The following BABAM2 variants were observed in gnomAD, a reference collection of about 807,000 sequenced individuals.
The protein encoded by BABAM2 is BRISC and BRCA1 A complex member 2.
A neutral mutation model predicts 54.7 loss-of-function variants in BABAM2; 31 were observed. That is an observed-to-expected ratio of 0.57 (90% confidence interval 0.43 to 0.77). The LOEUF (loss-of-function observed/expected upper bound fraction) is 0.77, where lower values mean the gene tolerates loss of function less well. Among genes scored for constraint, BABAM2 ranks in the 30% least tolerant of loss-of-function variants. BABAM2 has a pLI of 0.00. For synonymous variants in BABAM2, 167 were observed against 162.9 expected (o/e 1.03, Z -0.19); for missense variants, 364 against 455.8 (o/e 0.80, Z 1.83).
intron 7 of BABAM2, among the ~76,000 whole-genome samples, chr2:28,159,580 T>A (rs1335581767): frequency 6.6e-6 from 1 of 152,096 alleles, no homozygotes; most frequent in African/African-American, 2.4e-5. Flanking sequence ...TATGGATGTT[T>A]CTAAAATCGC....
At chr2:28,041,607 C>G (rs537830196) in intron 5 of BABAM2, among the ~76,000 whole-genome samples, 1 of 152,290 alleles carries the variant, frequency 6.6e-6, no homozygotes, top group East Asian at 1.9e-4. Flanking sequence ...CTTATTTGCT[C>G]CTGTAACCCC....
rs1671807580 is a variant in BABAM2, at chr2:27,979,025, TTTTTTTC to T, written c.206-8961_206-8955del. 1.3e-3 allele frequency among the ~76,000 whole-genome samples: 11 copies of T among 8,628 alleles called. No homozygotes were observed. The South Asian group carries it at 0.086, about 68-fold the overall frequency. 5.7% of individuals were successfully genotyped at this position (8,628 alleles called of 152,430 possible). ...CATGGTGTATATGTACCACATTTTC[TTTTTTTC>T]TTTTTTTTTTTTTGAGATGGAGTCT... On this transcript the variant is annotated intron_variant, in intron 3 of 11. Coordinates refer to ENST00000379624, the MANE Select transcript of BABAM2 (RefSeq NM_199191.3).
chr2:28,125,659 ACCCAAGAAGC>A (rs1473544060), intron 6 of BABAM2, among the ~76,000 whole-genome samples: 1 of 152,170 alleles, frequency 6.6e-6, no homozygotes, highest in Non-Finnish European at 1.5e-5. Flanking sequence ...ATAACCTTTG[ACCCAAGAAGC>A]TCAGTTTTAA....
At chr2:28,107,898 T>C (rs1318281830) in intron 6 of BABAM2, among the ~76,000 whole-genome samples, 1 of 152,284 alleles carries the variant, frequency 6.6e-6, no homozygotes, top group Non-Finnish European at 1.5e-5. Context: ...CCCAAACTTA[T>C]ACTCAGTATA....
chr2:28,113,366 G>T (rs1277225710), intron 6 of BABAM2, among the ~76,000 whole-genome samples: 1 of 152,102 alleles, frequency 6.6e-6, no homozygotes, highest in Non-Finnish European at 1.5e-5. Flanking sequence ...TCAGTTTTCT[G>T]CATAAGGATA....
Position 28,288,301 on chromosome 2 carries a change from A to G in BABAM2, c.935-10037A>G, listed in dbSNP as rs192117567. ...AGGAGAGTAGTGGGAAACATTGGTA[A>G]TATAGGACAGGTTGTGGCTTTTCTT... On this transcript the variant is annotated intron_variant, in intron 10 of 11. Transcript: ENST00000379624. Among the ~76,000 whole-genome samples the G allele has an allele frequency of 5.4e-4, 82 of 151,120 alleles. 1 individual carries two copies. The highest frequency in any genetic ancestry group is 1.8e-3 in the African/African-American group (73 of 41,180).
chr2:28,287,705 G>C (rs1686940817), intron 10 of BABAM2, among the ~76,000 whole-genome samples: 2 of 152,154 alleles, frequency 1.3e-5, no homozygotes, highest in Admixed American at 6.5e-5. Flanking sequence ...GGAAGCAATA[G>C]CAGGTTGAAG....
At chr2:27,961,359 A>G (rs78922767) in intron 3 of BABAM2, among the ~76,000 whole-genome samples, 2,079 of 152,308 alleles carry the variant, frequency 0.014, 55 homozygotes, top group African/African-American at 0.047. Context: ...TTGAGTACCC[A>G]TGCAACCATT....
At chr2:28,327,390 G>A in intron 11 of BABAM2, 1 of 1,613,294 alleles carries the variant, frequency 6.2e-7, no homozygotes, top group South Asian at 1.1e-5. Context: ...AGCTCCAGAG[G>A]GCCTCCTTGG....
chr2:28,243,562 C>T (rs1682642852), intron 9 of BABAM2, among the ~76,000 whole-genome samples: 2 of 151,606 alleles, frequency 1.3e-5, no homozygotes, highest in Non-Finnish European at 2.9e-5. Flanking sequence ...AAAAAATTAG[C>T]CGGGCATAGT....
chr2:28,258,091 C>T (rs1016941011), intron 10 of BABAM2, among the ~76,000 whole-genome samples: 5 of 151,822 alleles, frequency 3.3e-5, no homozygotes, highest in African/African-American at 4.8e-5. Context: ...GCAGGAGAAA[C>T]GCTTGAACCC....
intron 2 of BABAM2, among the ~76,000 whole-genome samples, chr2:27,899,091 C>T (rs1665569211): frequency 6.6e-6 from 1 of 152,046 alleles, no homozygotes; most frequent in Admixed American, 6.6e-5. Context: ...TAGCTAGACC[C>T]CTTCTCTAAA....
intron 2 of BABAM2, among the ~76,000 whole-genome samples, chr2:27,926,372 A>C (rs534739501): frequency 2.0e-5 from 3 of 151,832 alleles, no homozygotes; most frequent in African/African-American, 7.2e-5. Context: ...ATATATCAAG[A>C]TTTCTTCCCC....
chr2:28,027,184 G>A (rs1391463082), intron 5 of BABAM2, among the ~76,000 whole-genome samples: 2 of 150,588 alleles, frequency 1.3e-5, no homozygotes, highest in Non-Finnish European at 2.9e-5. Context: ...CTGCCCAAGG[G>A]TCTTTGCATA....
At chr2:27,903,435 A>G (rs1035949335) in intron 2 of BABAM2, among the ~76,000 whole-genome samples, 6 of 152,246 alleles carry the variant, frequency 3.9e-5, no homozygotes, top group African/African-American at 7.2e-5. Context: ...TTAACAAAAA[A>G]ACTTCTTTTT....
At chr2:28,182,954 C>G (rs1675806058) in intron 7 of BABAM2, among the ~76,000 whole-genome samples, 1 of 152,164 alleles carries the variant, frequency 6.6e-6, no homozygotes, top group Admixed American at 6.5e-5. Flanking sequence ...AACCCTTCCA[C>G]TTACTTTACA....
chr2:28,121,147 A>G (rs889364872), intron 6 of BABAM2, among the ~76,000 whole-genome samples: 6 of 152,172 alleles, frequency 3.9e-5, no homozygotes, highest in Admixed American at 3.3e-4. Context: ...GGAACCCCCA[A>G]TCCAGTGCTG....
chr2:27,969,773 A>G (rs1437047901), intron 3 of BABAM2, among the ~76,000 whole-genome samples: 2 of 152,168 alleles, frequency 1.3e-5, no homozygotes, highest in Non-Finnish European at 2.9e-5. Flanking sequence ...GGAGGGAAAA[A>G]GTGCTACTGG....
At chr2:27,946,013 T>C (rs1669272225) in intron 3 of BABAM2, among the ~76,000 whole-genome samples, 1 of 152,188 alleles carries the variant, frequency 6.6e-6, no homozygotes, top group African/African-American at 2.4e-5. Flanking sequence ...TTTATATTTC[T>C]CATTCTTGTT....
Sources: gnomAD v4.1 joint callset for allele counts (sites outside exome capture counted in the v4.1 genomes callset) on GRCh38, gnomAD v4.1.1 for gene constraint, MANE v1.5 for transcripts, NCBI Gene and HGNC (gene_info 2026-07-23, HGNC 2026-07-21) for gene names.